The following FBXL7 variants were observed in gnomAD, a reference collection of about 807,000 sequenced individuals.
FBXL7 encodes the protein F-box and leucine rich repeat protein 7, also known as F-box/LRR-repeat protein 7.
In FBXL7, 12 loss-of-function variants were observed where a neutral mutation model predicts 38.3. The ratio of observed to expected loss-of-function variants is 0.31; its 90% CI spans 0.20 to 0.51. FBXL7 has a LOEUF of 0.51. Ranked by LOEUF, FBXL7 falls within the 20% of genes least tolerant of loss-of-function variation. FBXL7 has a pLI of 0.98. For missense variants in FBXL7, 567 were observed against 676.4 expected, an observed-to-expected ratio of 0.84 and a Z score of 1.79; for synonymous variants, 297 against 300.9, an observed-to-expected ratio of 0.99 and a Z score of 0.13.
At chr5:15,888,196 CTTTATTTATTTATTTATTTA>C (rs3034529) in intron 2 of FBXL7, among the ~76,000 whole-genome samples, 17 of 145,398 alleles carry the variant, frequency 1.2e-4, no homozygotes, top group East Asian at 4.0e-4. Context: ...GTAAACACCA[CTTTATTTATTTATTTATTTA>C]TTTATTTATT....
At chr5:15,772,998 G>A (rs1173862248) in intron 2 of FBXL7, among the ~76,000 whole-genome samples, 4 of 151,928 alleles carry the variant, frequency 2.6e-5, no homozygotes, top group Admixed American at 2.0e-4. Context: ...GGGCTCAAGC[G>A]ATCCTCCCTC....
intron 2 of FBXL7, among the ~76,000 whole-genome samples, chr5:15,854,625 A>G (rs1171443576): frequency 6.6e-6 from 1 of 152,174 alleles, no homozygotes; most frequent in African/African-American, 2.4e-5. Flanking sequence ...AATGCTTTTG[A>G]ATTTGAACAT....
chr5:15,857,602 G>A (rs887628450), intron 2 of FBXL7, among the ~76,000 whole-genome samples: 6 of 152,200 alleles, frequency 3.9e-5, no homozygotes, highest in East Asian at 1.9e-4. Context: ...AAAATGTCAT[G>A]AGCATAAGAG....
intron 2 of FBXL7, among the ~76,000 whole-genome samples, chr5:15,644,380 C>T (rs369364283): frequency 1.3e-5 from 2 of 150,306 alleles, no homozygotes; most frequent in African/African-American, 4.9e-5. Flanking sequence ...GAGGCTGAGG[C>T]AGGAGAATCA....
At chr5:15,757,768 C>T (rs1299858370) in intron 2 of FBXL7, among the ~76,000 whole-genome samples, 2 of 152,058 alleles carry the variant, frequency 1.3e-5, no homozygotes, top group Non-Finnish European at 2.9e-5. Flanking sequence ...TATGTGGAAA[C>T]GTTTTGTGCA....
At chr5:15,626,544 C>CTGTGTGTGTGTG (rs71603784) in intron 2 of FBXL7, among the ~76,000 whole-genome samples, 4,962 of 148,292 alleles carry the variant, frequency 0.033, 106 homozygotes, top group Non-Finnish European at 0.042. Flanking sequence ...AATTCGTTTC[C>CTGTGTGTGTGTG]TGTGTGTGTG....
intron 1 of FBXL7, among the ~76,000 whole-genome samples, chr5:15,524,734 C>A (rs10063929): frequency 0.024 from 3,716 of 152,286 alleles, 163 homozygotes; most frequent in African/African-American, 0.084. Context: ...ATGTGTTAGA[C>A]TCCATTTTAT....
At chr5:15,577,436 G>A (rs1028031911) in intron 1 of FBXL7, among the ~76,000 whole-genome samples, 6 of 152,164 alleles carry the variant, frequency 3.9e-5, no homozygotes, top group African/African-American at 1.4e-4. Context: ...GACAGAGAGT[G>A]ACCGCTTTCT....
Position 15,500,523 on chromosome 5 carries a change from GCGGGGACCTCTCCAGGC to G in FBXL7, c.-150_-134del. The G allele has an allele frequency of 1.1e-5, 11 of 1,003,586 alleles. No individual in the cohort carries two copies. The highest frequency in any genetic ancestry group is 1.7e-5 in the Non-Finnish European group (11 of 629,414). 62.2% of individuals were successfully genotyped at this position (1,003,586 alleles called of 1,614,324 possible). On this transcript the variant is annotated 5_prime_UTR_variant, in exon 1 of 4. Transcript: ENST00000504595. ...ACGCAGCACCCCCTCCCACTGGAGT[GCGGGGACCTCTCCAGGC>G]CGGAGGTCGGCCCCGGAGCTTGGGG...
rs540956425 is a variant in FBXL7 at position 15,744,359 on chromosome 5, A to G, written c.127+128287A>G. Among the ~76,000 whole-genome samples the G allele has an allele frequency of 4.6e-5, 7 of 152,336 alleles. 1 individual carries two copies. In the South Asian group the frequency reaches 1.4e-3, roughly 32 times the overall value. ...TCTGGAGCAGGGACAAAATGCCACC[A>G]GTCTCTTTGCATAGCAAGAGTGAAC... On this transcript the variant is annotated intron_variant, in intron 2 of 3. Coordinates refer to ENST00000504595, the MANE Select transcript of FBXL7 (RefSeq NM_012304.5).
At chr5:15,729,910 G>A (rs946283177) in intron 2 of FBXL7, among the ~76,000 whole-genome samples, 8 of 152,106 alleles carry the variant, frequency 5.3e-5, no homozygotes, top group Non-Finnish European at 7.4e-5. Context: ...ATCGGGTAAC[G>A]CTCCTAGTTA....
intron 2 of FBXL7, among the ~76,000 whole-genome samples, chr5:15,623,064 G>A (rs1740705411): frequency 6.6e-6 from 1 of 152,168 alleles, no homozygotes; most frequent in South Asian, 2.1e-4. Context: ...GTGCAGTATT[G>A]TTTCGATCAA....
chr5:15,621,235 G>A (rs1044718697), intron 2 of FBXL7, among the ~76,000 whole-genome samples: 2 of 152,164 alleles, frequency 1.3e-5, no homozygotes, highest in Admixed American at 6.5e-5. Flanking sequence ...GTTCTTTACA[G>A]CCCATTGTAT....
chr5:15,883,676 T>C (rs1234834057), intron 2 of FBXL7, among the ~76,000 whole-genome samples: 5 of 152,212 alleles, frequency 3.3e-5, no homozygotes, highest in Admixed American at 3.3e-4. Flanking sequence ...GTTTTATTGA[T>C]CACTCAGCCT....
At chr5:15,763,509 G>C (rs1736503580) in intron 2 of FBXL7, among the ~76,000 whole-genome samples, 1 of 152,100 alleles carries the variant, frequency 6.6e-6, no homozygotes, top group Admixed American at 6.6e-5. Flanking sequence ...CTTTTGTTGA[G>C]AGACTACATC....
intron 2 of FBXL7, among the ~76,000 whole-genome samples, chr5:15,797,947 A>AT (rs931288018): frequency 6.6e-6 from 1 of 152,064 alleles, no homozygotes; most frequent in Non-Finnish European, 1.5e-5. Context: ...AGTAATTTGG[A>AT]TTTTTTTCCA....
chr5:15,556,418 T>C (rs1228049176), intron 1 of FBXL7, among the ~76,000 whole-genome samples: 1 of 152,050 alleles, frequency 6.6e-6, no homozygotes, highest in Non-Finnish European at 1.5e-5. Flanking sequence ...ATGAGGAGGG[T>C]CATCTGCTTT....
chr5:15,664,662 G>A (rs1457176257), intron 2 of FBXL7, among the ~76,000 whole-genome samples: 1 of 151,504 alleles, frequency 6.6e-6, no homozygotes, highest in African/African-American at 2.4e-5. Context: ...AGTGGAGACA[G>A]GGTTTCACTA....
At chr5:15,539,642 C>T (rs1247107838) in intron 1 of FBXL7, among the ~76,000 whole-genome samples, 2 of 152,014 alleles carry the variant, frequency 1.3e-5, no homozygotes, top group Non-Finnish European at 2.9e-5. Flanking sequence ...GCTGAATATT[C>T]CTCCCATAGT....
Sources: gnomAD v4.1 joint callset for allele counts (sites outside exome capture counted in the v4.1 genomes callset) on GRCh38, gnomAD v4.1.1 for gene constraint, MANE v1.5 for transcripts, NCBI Gene and HGNC (gene_info 2026-07-23, HGNC 2026-07-21) for gene names.